NF1: variants seen among roughly 807,000 people sequenced by gnomAD.
NF1 encodes neurofibromin 1, also known as neurofibromin.
NF1 carries 122 observed loss-of-function variants against 325.7 expected under a neutral mutation model. The observed-to-expected ratio is 0.37, with a 90% CI of 0.32 to 0.44. NF1 has a LOEUF of 0.44. Among genes scored for constraint, NF1 ranks in the 20% least tolerant of loss-of-function variants. NF1 has a pLI of 1.00. For missense variants in NF1, 2,140 were observed against 3,415.4 expected (o/e 0.63, Z 9.31); for synonymous variants, 1,091 against 1,186.0 (o/e 0.92, Z 1.65).
chr17:31,258,270 C>A (rs2151461466), intron 31 of NF1, 74 bp from the exon 32 acceptor site: 1 of 1,529,284 alleles, frequency 6.5e-7, no homozygotes, highest in Non-Finnish European at 9.1e-7. Context: ...CAAAGTTTGA[C>A]CTTTGAACTC....
In NF1 at chr17:31,377,497, G is replaced by A; in HGVS notation, c.*3342G>A. The stretch of plus-strand genomic sequence containing the variant: ...CTTTGTCTACAACCTTGTTAATACT[G>A]TAAACAGTTGTACGCCAGCAGGAAA... On this transcript the variant is annotated 3_prime_UTR_variant, in exon 58 of 58. Coordinates refer to ENST00000358273, the MANE Select transcript of NF1 (RefSeq NM_001042492.3). 1 of 232,776 alleles carries A rather than the reference G, an allele frequency of 4.3e-6. No individual in the cohort carries two copies. Among genetic ancestry groups the A allele is most frequent in the South Asian group, 1.8e-4 (1 of 5,512 alleles). 14.4% of individuals were successfully genotyped at this position (232,776 alleles called of 1,614,324 possible).
chr17:31,250,974 G>A (rs1345904196), intron 30 of NF1: 3 of 192,602 alleles, frequency 1.6e-5, no homozygotes, highest in African/African-American at 7.0e-5. Flanking sequence ...TAAAAGCATT[G>A]TTGAAGAGCA....
chr17:31,275,821 T>C (rs1447872124), intron 36 of NF1, among the ~76,000 whole-genome samples: 12 of 152,194 alleles, frequency 7.9e-5, no homozygotes, highest in Non-Finnish European at 1.5e-4. Context: ...TCTTCCACCA[T>C]ATTCTGGCTT....
At position 31,326,048 on chromosome 17, in the gene NF1, G is replaced by T. The variant is rs587781693; in HGVS notation, c.5064G>T (p.Glu1688Asp). 1 of 1,614,154 alleles carries T rather than the reference G, an allele frequency of 6.2e-7. No individual in the cohort carries two copies. The highest frequency in any genetic ancestry group is 1.3e-5 in the African/African-American group (1 of 75,032). The change falls in exon 37 of 58, where the codon GAG becomes GAT. Residue 1688 changes from glutamate to aspartate, a missense_variant. Coordinates refer to ENST00000358273, the MANE Select transcript of NF1 (RefSeq NM_001042492.3). ...ATAACTGTAACTCCTGGGTCAGGGAGTACACCAAGTATCATGAGCGGCTGC... is the reference window on the plus strand; with the variant it reads ...ATAACTGTAACTCCTGGGTCAGGGATTACACCAAGTATCATGAGCGGCTGC... ...YIYNCNSWVR[E>D]YTKYHERLLT... is the part of the protein sequence containing the mutation.
chr17:31,314,234 GAGT>G (rs1312017786), intron 36 of NF1: 10 of 369,274 alleles, frequency 2.7e-5, no homozygotes, highest in Non-Finnish European at 4.3e-5. Flanking sequence ...CCTATGATTT[GAGT>G]GCTTTTAATT....
chr17:31,152,057 G>T (rs145718246), intron 1 of NF1, among the ~76,000 whole-genome samples: 1 of 149,384 alleles, frequency 6.7e-6, no homozygotes, highest in Non-Finnish European at 1.5e-5. Context: ...GACAGGCCCC[G>T]GTGTGTGATG....
intron 1 of NF1, among the ~76,000 whole-genome samples, chr17:31,096,659 T>C (rs1016269467): frequency 1.3e-5 from 2 of 152,184 alleles, no homozygotes; most frequent in Admixed American, 1.3e-4. Flanking sequence ...GAAGAGCTCT[T>C]CTGTTATTTG....
intron 47 of NF1, 136 bp downstream of exon 47, chr17:31,340,781 T>C (rs2069800113): frequency 1.1e-6 from 1 of 884,022 alleles, no homozygotes; most frequent in African/African-American, 1.7e-5. Context: ...TTATTGTGAG[T>C]ATATTTCCTT....
chr17:31,319,187 C>A (rs957736076), intron 36 of NF1, among the ~76,000 whole-genome samples: 3 of 152,126 alleles, frequency 2.0e-5, no homozygotes, highest in South Asian at 2.1e-4. Context: ...CTTTTCTATT[C>A]AGCTATGTAT....
intron 12 of NF1, among the ~76,000 whole-genome samples, chr17:31,210,065 C>T (rs1179211167): frequency 6.6e-6 from 1 of 152,146 alleles, no homozygotes; most frequent in Non-Finnish European, 1.5e-5. Flanking sequence ...GAACAGTCAA[C>T]CAGAGTTAGT....
chr17:31,332,340 T>C (rs1319362208), intron 39 of NF1, among the ~76,000 whole-genome samples: 1 of 151,880 alleles, frequency 6.6e-6, no homozygotes, highest in African/African-American at 2.4e-5. Flanking sequence ...GGTACATGCC[T>C]GTAGTCCCAG....
chr17:31,280,797 G>C (rs999189132), intron 36 of NF1, among the ~76,000 whole-genome samples: 1 of 149,162 alleles, frequency 6.7e-6, no homozygotes, highest in African/African-American at 2.5e-5. Context: ...TTTTAGCTAA[G>C]TTTTCTTGCT....
intron 51 of NF1, among the ~76,000 whole-genome samples, chr17:31,354,502 T>C (rs1465398612): frequency 6.6e-6 from 1 of 152,228 alleles, no homozygotes; most frequent in Non-Finnish European, 1.5e-5. Flanking sequence ...TATTTACCCT[T>C]ATCACACATT....
At chr17:31,283,466 T>G (rs1188694872) in intron 36 of NF1, among the ~76,000 whole-genome samples, 1 of 151,310 alleles carries the variant, frequency 6.6e-6, no homozygotes, top group African/African-American at 2.4e-5. Context: ...TTGTTTTTGT[T>G]TTTTTGGGAC....
intron 36 of NF1, among the ~76,000 whole-genome samples, chr17:31,313,243 A>G (rs1461461347): frequency 1.1e-4 from 17 of 152,212 alleles, no homozygotes; most frequent in Admixed American, 1.1e-3. Context: ...TTTATGCATT[A>G]TATTATGTAC....
At chr17:31,254,472 T>A (rs1360569528) in intron 31 of NF1, among the ~76,000 whole-genome samples, 1 of 152,090 alleles carries the variant, frequency 6.6e-6, no homozygotes, top group Non-Finnish European at 1.5e-5. Context: ...ATGATCAAAT[T>A]GATTGGATTA....
intron 8 of NF1, among the ~76,000 whole-genome samples, chr17:31,190,089 CA>C (rs766783457): frequency 0.018 from 1,816 of 98,214 alleles, 26 homozygotes; most frequent in African/African-American, 0.057. Context: ...AAATGTATTA[CA>C]AAAAAAAAAA....
chr17:31,170,901 A>G (rs1487092460), intron 5 of NF1, among the ~76,000 whole-genome samples: 2 of 152,148 alleles, frequency 1.3e-5, no homozygotes, highest in Non-Finnish European at 2.9e-5. Flanking sequence ...ATGAAACCGT[A>G]TACAGTTCAC....
At chr17:31,277,057 C>T (rs1285500202) in intron 36 of NF1, among the ~76,000 whole-genome samples, 2 of 152,020 alleles carry the variant, frequency 1.3e-5, no homozygotes, top group Non-Finnish European at 2.9e-5. Context: ...AAATTGTTAC[C>T]CAGAAAATCA....
Sources: allele counts gnomAD v4.1 joint callset (sites outside exome capture counted in the v4.1 genomes callset), GRCh38; gene constraint gnomAD v4.1.1; transcripts MANE v1.5; gene names NCBI Gene and HGNC (gene_info 2026-07-23, HGNC 2026-07-21).